Variants in SEC16B observed in about 807,000 individuals in gnomAD.
The protein encoded by SEC16B is protein transport protein Sec16B.
A neutral mutation model predicts 141.8 loss-of-function variants in SEC16B; 115 were observed. That is an observed-to-expected ratio of 0.81 (90% CI 0.70 to 0.95). The LOEUF is 0.95. Among genes scored for constraint, SEC16B ranks in the 40% least tolerant of loss-of-function variants. The pLI is 0.00. For synonymous variants in SEC16B, 493 were observed against 492.5 expected, an observed-to-expected ratio of 1.00 and a Z score of -0.01; for missense variants, 1,291 against 1,312.3, an observed-to-expected ratio of 0.98 and a Z score of 0.25.
intron 15 of SEC16B, among the ~76,000 whole-genome samples, chr1:177,943,619 G>A (rs562597774): frequency 2.0e-5 from 3 of 152,294 alleles, no homozygotes; most frequent in Non-Finnish European, 4.4e-5. Context: ...AGATAACTAA[G>A]GTAGGAAGAT....
At chr1:177,940,792 A>G (rs1000441845) in intron 16 of SEC16B, 78 bp from the exon 17 acceptor site, 2 of 900,746 alleles carry the variant, frequency 2.2e-6, no homozygotes, top group African/African-American at 3.3e-5. Flanking sequence ...ATGGAAAGAC[A>G]ACGGGGAAGA....
intron 9 of SEC16B, 84 bp from the exon 10 acceptor site, chr1:177,958,446 AG>A: frequency 8.7e-7 from 1 of 1,144,002 alleles, no homozygotes; most frequent in Non-Finnish European, 1.2e-6. Context: ...GGCACCAGGG[AG>A]CCTGCCTTCT....
intron 9 of SEC16B, 48 bp downstream of exon 9, chr1:177,958,792 G>T: frequency 6.3e-7 from 1 of 1,576,774 alleles, no homozygotes; most frequent in Non-Finnish European, 8.6e-7. Flanking sequence ...ATCCCATGAA[G>T]ACTTAAATTT....
chr1:177,944,189 G>A (rs1349382255), intron 15 of SEC16B, among the ~76,000 whole-genome samples: 3 of 152,148 alleles, frequency 2.0e-5, no homozygotes, highest in South Asian at 4.1e-4. Flanking sequence ...CTGGGCCTGC[G>A]CTCCCACTCC....
At chr1:177,958,076 T>C (rs1652760356) in intron 10 of SEC16B, 56 bp downstream of exon 10, 7 of 1,218,974 alleles carry the variant, frequency 5.7e-6, no homozygotes, top group African/African-American at 1.5e-5. Context: ...CGGTGAGTGG[T>C]GGAGAGGGAT....
intron 1 of SEC16B, among the ~76,000 whole-genome samples, chr1:177,980,014 T>A (rs998401397): frequency 1.3e-5 from 2 of 152,206 alleles, no homozygotes; most frequent in African/African-American, 4.8e-5. Flanking sequence ...TCTGCTGTCA[T>A]TACAAGGGAG....
intron 12 of SEC16B, chr1:177,948,552 G>A (rs755450058): frequency 3.1e-6 from 4 of 1,303,832 alleles, no homozygotes; most frequent in South Asian, 1.2e-5. Flanking sequence ...TTCCACCAGG[G>A]GGCAAAAAAG....
At position 177,940,693 on chromosome 1, in the gene SEC16B, A is replaced by C; in HGVS notation, c.2044T>G (p.Ser682Ala). 6.2e-7 allele frequency: 1 copy of C among 1,613,728 alleles called. No individual in the cohort carries two copies. The highest frequency in any genetic ancestry group is 8.5e-7 in the Non-Finnish European group (1 of 1,179,782). Residue 682 changes from serine (S) to alanine (A), a missense_variant, in exon 17 of 26, where the codon TCA (serine) becomes GCA (alanine). Ser to Ala is a moderately conservative substitution (Grantham distance 99). Coordinates refer to ENST00000308284, the MANE Select transcript of SEC16B (RefSeq NM_033127.4). ...LIKLAEKLKL[S>A]DPLVLERRSG... The stretch of plus-strand genomic sequence containing the variant: ...CGTCTTTCTAAAACCAGAGGATCTG[A>C]CAGCTTCAGTTTCTCTGCTAGCTGT...
intron 5 of SEC16B, among the ~76,000 whole-genome samples, chr1:177,963,729 T>C (rs987221409): frequency 2.6e-5 from 4 of 152,184 alleles, no homozygotes; most frequent in Admixed American, 1.3e-4. Context: ...TACAATAAGA[T>C]TTTTAGAGGA....
At chr1:177,978,314 ATAAAT>A (rs527431867) in intron 1 of SEC16B, among the ~76,000 whole-genome samples, 58 of 152,332 alleles carry the variant, frequency 3.8e-4, no homozygotes, top group South Asian at 2.7e-3. Flanking sequence ...TATTTGATAA[ATAAAT>A]TAATGCATGA....
intron 1 of SEC16B, among the ~76,000 whole-genome samples, chr1:177,979,871 T>C (rs1297322299): frequency 6.6e-6 from 1 of 151,952 alleles, no homozygotes; most frequent in African/African-American, 2.4e-5. Flanking sequence ...TTACTCACTA[T>C]CATGAGAAGA....
rs1415440385 is a variant in SEC16B, at chr1:177,947,885, TC to T, written c.1602del (p.Asn535IlefsTer45). ...DWRPHLAVIL[S>X]NQAGDPELYQ... ...TACAGCTCTGGGTCCCCAGCCTGAT[TC>T]GACAGAATCACAGCCAAGTGAGGCC... On this transcript the variant is annotated frameshift_variant, in exon 13 of 26. Coordinates refer to ENST00000308284, the MANE Select transcript of SEC16B (RefSeq NM_033127.4). LOFTEE classifies it high-confidence loss of function. The T allele has an allele frequency of 6.4e-7, 1 of 1,560,714 alleles. No homozygotes were observed. The highest frequency in any genetic ancestry group is 1.4e-5 in the African/African-American group (1 of 73,312).
At chr1:177,958,415 C>T (rs1652800669) in intron 9 of SEC16B, 53 bp from the exon 10 acceptor site, 4 of 1,418,074 alleles carry the variant, frequency 2.8e-6, no homozygotes, top group Non-Finnish European at 3.8e-6. Flanking sequence ...CTCAGGCTGG[C>T]AGCCCCAGCT....
intron 1 of SEC16B, among the ~76,000 whole-genome samples, chr1:177,975,617 C>T (rs1654141572): frequency 1.3e-5 from 2 of 152,176 alleles, no homozygotes; most frequent in Non-Finnish European, 2.9e-5. Context: ...CATTACATTA[C>T]AATAATTTTT....
At position 177,952,768 on chromosome 1, in the gene SEC16B, G is replaced by A. The variant is rs1006572022; in HGVS notation, c.1464-773C>T. Among the ~76,000 whole-genome samples, 12 of 152,100 alleles carry A rather than the reference G, an allele frequency of 7.9e-5. No homozygotes were observed. In the South Asian group the frequency reaches 1.2e-3, roughly 16 times the overall value. The stretch of plus-strand genomic sequence containing the variant: ...AAAGGAAAATCATCCTCAGAACACC[G>A]TCCTTTATTTAACAGCACCCTTGCC... On this transcript the variant is annotated intron_variant, in intron 11 of 25. Coordinates refer to ENST00000308284, the MANE Select transcript of SEC16B (RefSeq NM_033127.4).
chr1:177,964,385 T>C (rs1330476285), intron 4 of SEC16B, 106 bp from the exon 5 acceptor site: 16 of 677,842 alleles, frequency 2.4e-5, no homozygotes, highest in Non-Finnish European at 3.5e-5. Context: ...GCAGGTACCA[T>C]GTCAGCCTGG....
chr1:177,952,003 G>A lies in SEC16B; in HGVS notation c.1464-8C>T, dbSNP rs1557979488. On this transcript the variant is annotated splice_polypyrimidine_tract_variant and splice_region_variant and intron_variant, in intron 11 of 25. Coordinates refer to ENST00000308284, the MANE Select transcript of SEC16B (RefSeq NM_033127.4). ...GCCAGCGTGCTGGTGAAGCTGCGGAGAGAAGGATAGTCAGCGAGGACCAAG... is the reference window on the plus strand; with the variant it reads ...GCCAGCGTGCTGGTGAAGCTGCGGAAAGAAGGATAGTCAGCGAGGACCAAG... 3.1e-6 allele frequency: 5 copies of A among 1,594,268 alleles called. No individual in the cohort carries two copies. The highest frequency in any genetic ancestry group is 4.3e-6 in the Non-Finnish European group (5 of 1,170,614).
At chr1:177,964,358 C>A in intron 4 of SEC16B, 79 bp from the exon 5 acceptor site, 1 of 1,029,670 alleles carries the variant, frequency 9.7e-7, no homozygotes. Context: ...CGGAAGCTGA[C>A]CTGCTCCAAA....
At chr1:177,930,132 T>G (rs931264918) in intron 25 of SEC16B, among the ~76,000 whole-genome samples, 1 of 152,136 alleles carries the variant, frequency 6.6e-6, no homozygotes, top group African/African-American at 2.4e-5. Context: ...GGAGGCCAAA[T>G]GAGACATTAG....
Sources: allele counts gnomAD v4.1 joint callset (sites outside exome capture counted in the v4.1 genomes callset), GRCh38; gene constraint gnomAD v4.1.1; transcripts MANE v1.5; gene names NCBI Gene and HGNC (gene_info 2026-07-23, HGNC 2026-07-21).